The following RIMS1 variants were observed in gnomAD, a reference collection of about 807,000 sequenced individuals.
The protein encoded by RIMS1 is regulating synaptic membrane exocytosis protein 1.
A neutral mutation model predicts 214.1 loss-of-function variants in RIMS1; 83 were observed. That is an observed-to-expected ratio of 0.39 (90% CI 0.32 to 0.47). RIMS1 has a LOEUF of 0.47. RIMS1 is among the 20% of genes least tolerant of loss of function. The pLI is 0.99. For missense variants in RIMS1, 2,050 were observed against 2,161.8 expected (o/e 0.95, Z 1.03); for synonymous variants, 793 against 786.8 (o/e 1.01, Z -0.13).
intron 6 of RIMS1, among the ~76,000 whole-genome samples, chr6:72,224,129 A>G (rs1222959012): frequency 6.6e-6 from 1 of 152,164 alleles, no homozygotes; most frequent in Non-Finnish European, 1.5e-5. Context: ...TGATATAGTA[A>G]TGATAAAGGA....
chr6:71,982,539 TTCTCTCA>T (rs1270347104), intron 2 of RIMS1, among the ~76,000 whole-genome samples: 1 of 152,110 alleles, frequency 6.6e-6, no homozygotes, highest in Non-Finnish European at 1.5e-5. Context: ...CTTCTTCACC[TTCTCTCA>T]TCTATTTATG....
At chr6:72,145,892 T>A (rs1465879428) in intron 4 of RIMS1, among the ~76,000 whole-genome samples, 1 of 152,172 alleles carries the variant, frequency 6.6e-6, no homozygotes, top group Admixed American at 6.5e-5. Flanking sequence ...TTGTCATAAG[T>A]TAAGAATACT....
intron 16 of RIMS1, among the ~76,000 whole-genome samples, chr6:72,255,220 A>T (rs2075282846): frequency 6.6e-6 from 1 of 152,192 alleles, no homozygotes; most frequent in Non-Finnish European, 1.5e-5. Context: ...GTGATAAGTT[A>T]GCACAGTGCA....
intron 1 of RIMS1, among the ~76,000 whole-genome samples, chr6:71,942,344 G>C (rs889253313): frequency 6.6e-6 from 1 of 152,046 alleles, no homozygotes; most frequent in Non-Finnish European, 1.5e-5. Context: ...GAATCATTTA[G>C]GTTGTAAATG....
intron 9 of RIMS1, among the ~76,000 whole-genome samples, chr6:72,239,610 A>G (rs1255158043): frequency 6.6e-6 from 1 of 152,202 alleles, no homozygotes; most frequent in Non-Finnish European, 1.5e-5. Flanking sequence ...AACATTTGCA[A>G]TCTTGTTTTA....
At position 72,208,733 on chromosome 6, in the gene RIMS1, G is replaced by A. The variant is rs189870920; in HGVS notation, c.1679-25040G>A. 2.3e-3 allele frequency among the ~76,000 whole-genome samples: 344 copies of A among 152,140 alleles called. 1 individual carries two copies. Among genetic ancestry groups the A allele is most frequent in the Non-Finnish European group, 1.7e-3 (114 of 67,992 alleles). On this transcript the variant is annotated intron_variant, in intron 6 of 33. Transcript: ENST00000521978. ...TAGGTGAATCAGGTTTATTAATTAG[G>A]CACACTACAAACTTACCTTTTATAT...
At chr6:71,934,851 C>T (rs1013413967) in intron 1 of RIMS1, among the ~76,000 whole-genome samples, 5 of 152,026 alleles carry the variant, frequency 3.3e-5, no homozygotes, top group African/African-American at 1.2e-4. Flanking sequence ...TTATAAATGC[C>T]CCTGAATTGT....
chr6:72,322,034 T>C (rs1368579244), intron 28 of RIMS1, among the ~76,000 whole-genome samples: 31 of 152,108 alleles, frequency 2.0e-4, no homozygotes, highest in Admixed American at 2.0e-3. Context: ...AATAATAAGC[T>C]ATAGAAAGCA....
chr6:72,361,058 CT>C (rs2097795591), intron 29 of RIMS1, among the ~76,000 whole-genome samples: 1 of 110,016 alleles, frequency 9.1e-6, no homozygotes, highest in Admixed American at 9.6e-5. Flanking sequence ...AAAGTGATAA[CT>C]TTTTGAGTAA....
At chr6:72,231,995 G>A (rs2062148317) in intron 6 of RIMS1, among the ~76,000 whole-genome samples, 1 of 151,610 alleles carries the variant, frequency 6.6e-6, no homozygotes, top group Admixed American at 6.6e-5. Flanking sequence ...ACCTAAGTCA[G>A]GTTATTGAGG....
At chr6:71,986,957 C>T (rs1401528745) in intron 2 of RIMS1, among the ~76,000 whole-genome samples, 1 of 152,202 alleles carries the variant, frequency 6.6e-6, no homozygotes, top group Non-Finnish European at 1.5e-5. Flanking sequence ...CACTGATGCT[C>T]AGGGTGTAGA....
intron 2 of RIMS1, among the ~76,000 whole-genome samples, chr6:72,075,487 A>T (rs1831594542): frequency 6.6e-6 from 1 of 152,200 alleles, no homozygotes; most frequent in Non-Finnish European, 1.5e-5. Context: ...CATTTTAAGA[A>T]ACATGTAATA....
At chr6:72,064,429 G>A (rs1047956364) in intron 2 of RIMS1, among the ~76,000 whole-genome samples, 3 of 152,126 alleles carry the variant, frequency 2.0e-5, no homozygotes, top group East Asian at 1.9e-4. Context: ...CTGGGAGTTA[G>A]GACTTCAGCA....
intron 6 of RIMS1, among the ~76,000 whole-genome samples, chr6:72,229,863 C>CA (rs1451102210): frequency 1.3e-5 from 2 of 151,704 alleles, no homozygotes. Flanking sequence ...GTATTTAACT[C>CA]ACGTATGCTG....
chr6:72,190,684 G>C (rs1199801038), intron 6 of RIMS1, among the ~76,000 whole-genome samples: 1 of 152,042 alleles, frequency 6.6e-6, no homozygotes, highest in Non-Finnish European at 1.5e-5. Context: ...GAGTGGAGAT[G>C]ATGGGCATTT....
chr6:72,273,728 C>T (rs2084685961), intron 22 of RIMS1, among the ~76,000 whole-genome samples: 1 of 152,166 alleles, frequency 6.6e-6, no homozygotes, highest in African/African-American at 2.4e-5. Context: ...CGTTTACTTA[C>T]AGCTTTTAAA....
intron 1 of RIMS1, among the ~76,000 whole-genome samples, chr6:71,959,527 T>A (rs1792276343): frequency 6.6e-6 from 1 of 152,068 alleles, no homozygotes; most frequent in Non-Finnish European, 1.5e-5. Flanking sequence ...AGAAAACTCA[T>A]AGTTGTAAAA....
At chr6:72,185,124 TG>T (rs2048913627) in intron 6 of RIMS1, among the ~76,000 whole-genome samples, 2 of 152,194 alleles carry the variant, frequency 1.3e-5, no homozygotes, top group African/African-American at 4.8e-5. Context: ...CGAAAGGTGT[TG>T]AAGTGGTCTA....
intron 2 of RIMS1, among the ~76,000 whole-genome samples, chr6:72,094,504 T>A (rs543209070): frequency 6.6e-6 from 1 of 152,210 alleles, no homozygotes; most frequent in African/African-American, 2.4e-5. Context: ...CAAGCCATTA[T>A]ATCTTAGCAT....
Sources: allele counts gnomAD v4.1 joint callset (sites outside exome capture counted in the v4.1 genomes callset), GRCh38; gene constraint gnomAD v4.1.1; transcripts MANE v1.5; gene names NCBI Gene and HGNC (gene_info 2026-07-23, HGNC 2026-07-21).